The following DENND1B variants were observed in gnomAD, a reference collection of about 807,000 sequenced individuals.
DENND1B encodes the protein DENN domain containing 1B.
DENND1B carries 59 observed loss-of-function variants against 90.1 expected under a neutral mutation model. The ratio of observed to expected loss-of-function variants is 0.65; its 90% CI spans 0.53 to 0.81. The LOEUF is 0.81. DENND1B is among the 40% of genes least tolerant of loss of function. The pLI is 0.00. For synonymous variants in DENND1B, 337 were observed against 324.6 expected (o/e 1.04, Z -0.41); for missense variants, 862 against 912.6 (o/e 0.94, Z 0.71).
intron 5 of DENND1B, among the ~76,000 whole-genome samples, chr1:197,658,960 TATG>T (rs1410389276): frequency 1.3e-5 from 2 of 150,880 alleles, no homozygotes; most frequent in Non-Finnish European, 3.0e-5. Context: ...CTATAATTTT[TATG>T]ATAGCAAAAT....
chr1:197,717,272 C>T (rs1660736048), intron 2 of DENND1B, among the ~76,000 whole-genome samples: 1 of 151,852 alleles, frequency 6.6e-6, no homozygotes, highest in Admixed American at 6.6e-5. Flanking sequence ...ATTTTCTGTT[C>T]CCTGAGGATT....
At chr1:197,744,933 T>A (rs929654416) in intron 2 of DENND1B, among the ~76,000 whole-genome samples, 3 of 152,246 alleles carry the variant, frequency 2.0e-5, no homozygotes, top group African/African-American at 7.2e-5. Flanking sequence ...TACACTTTCA[T>A]GTTACAGAGA....
At chr1:197,618,738 A>G (rs998476004) in intron 10 of DENND1B, among the ~76,000 whole-genome samples, 1 of 151,126 alleles carries the variant, frequency 6.6e-6, no homozygotes, top group Admixed American at 6.6e-5. Context: ...TTTCAAGGTT[A>G]CCGATTAAAT....
chr1:197,742,143 A>C (rs1663272593), intron 2 of DENND1B, among the ~76,000 whole-genome samples: 4 of 152,202 alleles, frequency 2.6e-5, no homozygotes, highest in Non-Finnish European at 2.9e-5. Context: ...TAATTTCTTT[A>C]GTAATTTTTT....
intron 3 of DENND1B, among the ~76,000 whole-genome samples, chr1:197,699,578 G>T (rs1454752598): frequency 6.6e-6 from 1 of 152,008 alleles, no homozygotes; most frequent in African/African-American, 2.4e-5. Context: ...GCAAGACAAA[G>T]AAATAAAGGG....
chr1:197,715,114 G>T (rs772006344), intron 2 of DENND1B, 40 bp from the exon 3 acceptor site: 1 of 1,554,596 alleles, frequency 6.4e-7, no homozygotes, highest in Non-Finnish European at 8.8e-7. Flanking sequence ...AGCAGCAAAA[G>T]AACACATTTA....
At chr1:197,669,715 C>T (rs1655296431) in intron 5 of DENND1B, among the ~76,000 whole-genome samples, 1 of 151,942 alleles carries the variant, frequency 6.6e-6, no homozygotes, top group Admixed American at 6.6e-5. Context: ...TTAAGATTTT[C>T]CTCTATGATT....
chr1:197,583,014 A>G, intron 15 of DENND1B, 138 bp downstream of exon 15: 1 of 702,196 alleles, frequency 1.4e-6, no homozygotes, highest in Non-Finnish European at 2.4e-6. Context: ...ACTAGCTACG[A>G]CTTACAAAAT....
intron 3 of DENND1B, among the ~76,000 whole-genome samples, chr1:197,683,172 A>C (rs1656870305): frequency 6.6e-6 from 1 of 152,210 alleles, no homozygotes; most frequent in South Asian, 2.1e-4. Flanking sequence ...AGTTGTATGC[A>C]TATGTCAAAA....
chr1:197,614,097 T>C (rs1677425377), intron 11 of DENND1B, among the ~76,000 whole-genome samples: 3 of 150,688 alleles, frequency 2.0e-5, no homozygotes, highest in South Asian at 2.1e-4. Flanking sequence ...TTAAACTTTA[T>C]GGAAGATATA....
chr1:197,583,170 G>A lies in DENND1B; in HGVS notation c.1131C>T (p.Asn377=). ...VMKQFLETAI[N]LQLFKQFIDG... is the part of the protein sequence containing the mutation. The stretch of plus-strand genomic sequence containing the variant: ...CTCTTACCTGCTTAAAAAGCTGGAG[G>A]TTAATGGCAGTTTCCAGGAACTGTT... Residue 377 remains asparagine, a synonymous_variant, in exon 15 of 23, where the codon AAC becomes AAT. Coordinates refer to ENST00000620048, the MANE Select transcript of DENND1B (RefSeq NM_001195215.2). 3 of 1,613,800 alleles carry A rather than the reference G, an allele frequency of 1.9e-6. No homozygotes were observed. The highest frequency in any genetic ancestry group is 2.5e-6 in the Non-Finnish European group (3 of 1,179,764).
At chr1:197,599,864 GT>G (rs2125820564) in intron 13 of DENND1B, among the ~76,000 whole-genome samples, 1 of 151,886 alleles carries the variant, frequency 6.6e-6, no homozygotes, top group East Asian at 1.9e-4. Flanking sequence ...TCATCTACAA[GT>G]ATACAATGAA....
intron 6 of DENND1B, among the ~76,000 whole-genome samples, chr1:197,653,297 G>C (rs1653439584): frequency 1.3e-5 from 2 of 152,162 alleles, no homozygotes; most frequent in Admixed American, 1.3e-4. Context: ...TGTAAAAGAG[G>C]CTCATATGGT....
chr1:197,539,557 T>C (rs1200702970), intron 20 of DENND1B, among the ~76,000 whole-genome samples: 1 of 152,230 alleles, frequency 6.6e-6, no homozygotes, highest in East Asian at 1.9e-4. Context: ...TAGAATAGGA[T>C]AGACTTATAG....
At chr1:197,642,569 C>A in intron 10 of DENND1B, 142 bp downstream of exon 10, 1 of 497,424 alleles carries the variant, frequency 2.0e-6, no homozygotes, top group African/African-American at 2.0e-5. Context: ...ACTTCAAGAG[C>A]CAGATTAAAA....
At position 197,567,792 on chromosome 1, in the gene DENND1B, T is replaced by C. The variant is rs76956753; in HGVS notation, c.1150-14680A>G. Among the ~76,000 whole-genome samples, 895 of 152,254 alleles carry C rather than the reference T, an allele frequency of 5.9e-3. 13 individuals carry two copies. The highest frequency in any genetic ancestry group is 0.02 in the African/African-American group (838 of 41,552). Reference sequence around the variant, plus strand: ...TGATGAAAACACTTAACAAATTATGTATAAAATAATTTATCTCACCACAAT... The same window carrying C: ...TGATGAAAACACTTAACAAATTATGCATAAAATAATTTATCTCACCACAAT... On this transcript the variant is annotated intron_variant, in intron 15 of 22. Coordinates refer to ENST00000620048, the MANE Select transcript of DENND1B (RefSeq NM_001195215.2).
At chr1:197,518,478 C>G (rs528524194) in intron 20 of DENND1B, among the ~76,000 whole-genome samples, 23 of 151,960 alleles carry the variant, frequency 1.5e-4, no homozygotes, top group African/African-American at 5.5e-4. Flanking sequence ...TTCTAGAAAA[C>G]CAGGAACCTT....
At chr1:197,520,370 T>C (rs1181255048) in intron 20 of DENND1B, among the ~76,000 whole-genome samples, 1 of 152,038 alleles carries the variant, frequency 6.6e-6, no homozygotes, top group African/African-American at 2.4e-5. Flanking sequence ...TTATTCCTCA[T>C]TGTATGAACA....
intron 7 of DENND1B, among the ~76,000 whole-genome samples, chr1:197,647,719 C>A (rs1485535067): frequency 1.3e-5 from 2 of 152,054 alleles, no homozygotes; most frequent in African/African-American, 2.4e-5. Flanking sequence ...GAGGCCAAGG[C>A]GGGCAGAATA....
Sources: allele counts gnomAD v4.1 joint callset (sites outside exome capture counted in the v4.1 genomes callset), GRCh38; gene constraint gnomAD v4.1.1; transcripts MANE v1.5; gene names NCBI Gene and HGNC (gene_info 2026-07-23, HGNC 2026-07-21).